Variants in YWHAQ observed in about 807,000 individuals in gnomAD.
YWHAQ encodes the protein tyrosine 3-monooxygenase/tryptophan 5-monooxygenase activation protein theta.
A neutral mutation model predicts 28.3 loss-of-function variants in YWHAQ; 6 were observed. The observed-to-expected ratio is 0.21, with a 90% CI of 0.12 to 0.42. YWHAQ has a LOEUF of 0.42. Among genes scored for constraint, YWHAQ ranks in the 10% least tolerant of loss-of-function variants. The pLI, the probability that YWHAQ is intolerant of heterozygous loss-of-function variation, is 1.00. For missense variants in YWHAQ, 201 were observed against 305.6 expected (o/e 0.66, Z 2.55); for synonymous variants, 143 against 119.1 (o/e 1.20, Z -1.31).
chr2:9,589,176 G>GA (rs376446669), intron 3 of YWHAQ, among the ~76,000 whole-genome samples: 18 of 151,502 alleles, frequency 1.2e-4, no homozygotes, highest in Admixed American at 4.6e-4. Context: ...CAGCTTAATG[G>GA]AAAAAAAACA....
intron 2 of YWHAQ, among the ~76,000 whole-genome samples, chr2:9,623,415 C>G (rs1011211898): frequency 6.6e-6 from 1 of 152,228 alleles, no homozygotes; most frequent in Non-Finnish European, 1.5e-5. Flanking sequence ...AAGCATGCAA[C>G]AACGATCTTC....
chr2:9,629,240 T>C (rs1238851217), intron 2 of YWHAQ, among the ~76,000 whole-genome samples: 1 of 152,234 alleles, frequency 6.6e-6, no homozygotes. Context: ...TATGAGATTA[T>C]TTCCCATTTT....
At position 9,597,985 on chromosome 2, in the gene YWHAQ, A is replaced by ATTTTTTTTT. The variant is rs547582835; in HGVS notation, c.295-6479_295-6471dup. 2.8e-3 allele frequency among the ~76,000 whole-genome samples: 173 copies of ATTTTTTTTT among 62,454 alleles called. 28 individuals carry two copies. Among genetic ancestry groups the ATTTTTTTTT allele is most frequent in the African/African-American group, 9.8e-3 (163 of 16,652 alleles). 41.0% of individuals were successfully genotyped at this position (62,454 alleles called of 152,430 possible). A position where few individuals can be genotyped will look rare whatever the true frequency, so the allele number is the denominator to read the frequency against. On this transcript the variant is annotated intron_variant, in intron 2 of 5. Coordinates refer to ENST00000238081, the MANE Select transcript of YWHAQ (RefSeq NM_006826.4). ...CAGGCATGCACCACCATGCCGGGCT[A>ATTTTTTTTT]TTTTTTTTTTTTTTTTTTTTTTTTT...
intron 2 of YWHAQ, among the ~76,000 whole-genome samples, chr2:9,616,686 A>C (rs1667047330): frequency 6.6e-6 from 1 of 152,374 alleles, no homozygotes; most frequent in East Asian, 1.9e-4. Context: ...CTAAAGGCCA[A>C]TAAGTACATG....
intron 2 of YWHAQ, among the ~76,000 whole-genome samples, chr2:9,617,137 T>G (rs1667055171): frequency 6.6e-6 from 1 of 151,566 alleles, no homozygotes; most frequent in South Asian, 2.1e-4. Context: ...ATTTTTTTTT[T>G]TTTTTTAGTA....
chr2:9,592,813 A>AC (rs1387733192), intron 2 of YWHAQ, among the ~76,000 whole-genome samples: 2 of 152,222 alleles, frequency 1.3e-5, no homozygotes, highest in Non-Finnish European at 2.9e-5. Flanking sequence ...AGATACTAAT[A>AC]CCTACTTCAT....
intron 2 of YWHAQ, among the ~76,000 whole-genome samples, chr2:9,622,913 C>G (rs2125073859): frequency 6.6e-6 from 1 of 152,304 alleles, no homozygotes; most frequent in Non-Finnish European, 1.5e-5. Flanking sequence ...TCTACCACCT[C>G]CCTGATATCC....
intron 2 of YWHAQ, among the ~76,000 whole-genome samples, chr2:9,593,900 A>T (rs200409623): frequency 2.8e-4 from 29 of 103,538 alleles, no homozygotes; most frequent in Admixed American, 1.0e-3. Context: ...AAATAGATTA[A>T]AAAAAATATA....
At position 9,630,227 on chromosome 2, in the gene YWHAQ, A is replaced by G; in HGVS notation, c.226T>C (p.Leu76=). The G allele has an allele frequency of 6.2e-7, 1 of 1,614,044 alleles. No individual in the cohort carries two copies. The highest frequency in any genetic ancestry group is 8.5e-7 in the Non-Finnish European group (1 of 1,180,022). Residue 76 remains leucine (L), a synonymous_variant, in exon 2 of 6, where the codon TTG becomes CTG. Transcript: ENST00000238081. The surrounding 1 kb of genome is among the most constrained non-coding windows in gnomAD (Gnocchi z 5.6). Reference sequence around the variant, plus strand: ...TCCCGATAGTCCTTAATCAGCTGCAACTTCTTGTCGGAGGTGTCGGTCTTC... The same window carrying G: ...TCCCGATAGTCCTTAATCAGCTGCAGCTTCTTGTCGGAGGTGTCGGTCTTC... ...EQKTDTSDKK[L]QLIKDYREKV...
intron 3 of YWHAQ, among the ~76,000 whole-genome samples, chr2:9,590,430 T>C (rs995239531): frequency 2.6e-5 from 4 of 152,208 alleles, no homozygotes; most frequent in African/African-American, 9.6e-5. Flanking sequence ...AAAACTCTCA[T>C]TTTCAGATCA....
chr2:9,617,513 G>A (rs1388885534), intron 2 of YWHAQ, among the ~76,000 whole-genome samples: 1 of 152,170 alleles, frequency 6.6e-6, no homozygotes, highest in African/African-American at 2.4e-5. Flanking sequence ...GCAAGATGAA[G>A]AGTTGCAGAC....
chr2:9,594,307 T>C (rs1028856935), intron 2 of YWHAQ, among the ~76,000 whole-genome samples: 17 of 152,240 alleles, frequency 1.1e-4, no homozygotes, highest in African/African-American at 3.9e-4. Flanking sequence ...TAAAAAATTA[T>C]ATTACTTTAA....
intron 2 of YWHAQ, among the ~76,000 whole-genome samples, chr2:9,627,135 CT>C (rs1249513107): frequency 2.6e-5 from 4 of 152,202 alleles, no homozygotes; most frequent in Non-Finnish European, 5.9e-5. Flanking sequence ...TCAGTAACCT[CT>C]TTCAATACCG....
chr2:9,624,892 G>A (rs112549559), intron 2 of YWHAQ, among the ~76,000 whole-genome samples: 266 of 151,822 alleles, frequency 1.8e-3, no homozygotes, highest in African/African-American at 5.5e-3. Flanking sequence ...ACAGGTGCCC[G>A]CCACTACGCC....
chr2:9,603,293 G>A (rs1486312214), intron 2 of YWHAQ, among the ~76,000 whole-genome samples: 13 of 142,466 alleles, frequency 9.1e-5, no homozygotes, highest in Admixed American at 6.4e-4. Flanking sequence ...TTTTTGAGCT[G>A]GAGTCTCGCT....
intron 2 of YWHAQ, among the ~76,000 whole-genome samples, chr2:9,602,446 A>G (rs1252653137): frequency 6.6e-6 from 1 of 152,046 alleles, no homozygotes; most frequent in South Asian, 2.1e-4. Context: ...AAGTCCTTTA[A>G]TAACATTTTA....
chr2:9,625,812 A>G (rs930484989), intron 2 of YWHAQ, among the ~76,000 whole-genome samples: 1 of 152,182 alleles, frequency 6.6e-6, no homozygotes, highest in Non-Finnish European at 1.5e-5. Context: ...CAATTTACAG[A>G]AGAGAGAGAG....
chr2:9,620,844 G>A (rs1029673887), intron 2 of YWHAQ: 5 of 152,160 alleles, frequency 3.3e-5, no homozygotes, highest in Non-Finnish European at 7.3e-5. Context: ...CACATATGAT[G>A]ACTACTCAGA....
intron 3 of YWHAQ, 114 bp downstream of exon 3, chr2:9,591,278 T>TG: frequency 7.8e-7 from 1 of 1,274,428 alleles, no homozygotes; most frequent in Non-Finnish European, 1.0e-6. Context: ...TTGACATACA[T>TG]TCAATTATTA....
Sources: gnomAD v4.1 joint callset for allele counts (sites outside exome capture counted in the v4.1 genomes callset) on GRCh38, gnomAD v4.1.1 for gene constraint, Gnocchi (gnomAD v3.1) non-coding constraint, MANE v1.5 for transcripts, NCBI Gene and HGNC (gene_info 2026-07-23, HGNC 2026-07-21) for gene names.